The following FBN1 variants were observed in gnomAD, a reference collection of about 807,000 sequenced individuals.
The protein encoded by FBN1 is fibrillin 1.
Under a neutral mutation model 365.1 loss-of-function variants are expected in FBN1, and 29 were observed. That is an observed-to-expected ratio of 0.08 (90% CI 0.06 to 0.11). FBN1 has a LOEUF of 0.11. Ranked by LOEUF, FBN1 falls within the 10% of genes least tolerant of loss-of-function variation. FBN1 has a pLI of 1.00. For synonymous variants in FBN1, 1,210 were observed against 1,270.5 expected, an observed-to-expected ratio of 0.95 and a Z score of 1.01; for missense variants, 2,476 against 3,703.2, an observed-to-expected ratio of 0.67 and a Z score of 8.60.
chr15:48,527,871 T>C (rs8036173), intron 8 of FBN1, among the ~76,000 whole-genome samples: 55,684 of 152,152 alleles, frequency 0.37, 12,574 homozygotes, highest in African/African-American at 0.65. Flanking sequence ...AGAAATTTCA[T>C]TAGAGTCTGT....
intron 50 of FBN1, among the ~76,000 whole-genome samples, chr15:48,440,921 T>A (rs2043108913): frequency 7.0e-6 from 1 of 141,998 alleles, no homozygotes. Flanking sequence ...AAAACCCAAC[T>A]CAACATCAAA....
chr15:48,525,902 A>G (rs185937074), intron 9 of FBN1, among the ~76,000 whole-genome samples: 1 of 152,306 alleles, frequency 6.6e-6, no homozygotes, highest in East Asian at 1.9e-4. Flanking sequence ...AGATACCTGT[A>G]AGGTCTCCTG....
intron 2 of FBN1, chr15:48,642,667 GTGTA>G (rs1238497714): frequency 6.8e-6 from 1 of 147,276 alleles, no homozygotes; most frequent in Non-Finnish European, 1.5e-5. Context: ...TTTCACCCCC[GTGTA>G]TGTGTGTGTG....
chr15:48,586,106 C>A (rs1394263959), intron 6 of FBN1, among the ~76,000 whole-genome samples: 1 of 152,084 alleles, frequency 6.6e-6, no homozygotes, highest in South Asian at 2.1e-4. Context: ...GAGTACATAT[C>A]CCCAGAGACA....
At chr15:48,538,934 T>G (rs1252144814) in intron 6 of FBN1, among the ~76,000 whole-genome samples, 1 of 152,226 alleles carries the variant, frequency 6.6e-6, no homozygotes, top group Admixed American at 6.5e-5. Flanking sequence ...ATGAAACTAC[T>G]GGGATGCTTT....
rs150853340 is a variant in FBN1, at chr15:48,541,956, G to A, written c.539-4148C>T. On this transcript the variant is annotated intron_variant, in intron 6 of 65. Coordinates refer to ENST00000316623, the MANE Select transcript of FBN1 (RefSeq NM_000138.5). ...CCAAGTCTTTCCAAAATTAAAGTGCGACTCTAATTGTTTTTAACTGGCTTA... is the reference window on the plus strand; with the variant it reads ...CCAAGTCTTTCCAAAATTAAAGTGCAACTCTAATTGTTTTTAACTGGCTTA... Among the ~76,000 whole-genome samples the A allele has an allele frequency of 6.6e-5, 10 of 152,214 alleles. No individual in the cohort carries two copies. The East Asian group carries it at 1.5e-3, about 24-fold the overall frequency.
chr15:48,433,109 G>A, intron 54 of FBN1, 121 bp from the exon 55 acceptor site: 1 of 1,022,794 alleles, frequency 9.8e-7, no homozygotes. Flanking sequence ...CATAAACATG[G>A]ATGGATCAAG....
chr15:48,504,075 C>T (rs2043688154), intron 16 of FBN1, 136 bp from the exon 17 acceptor site: 1 of 1,045,410 alleles, frequency 9.6e-7, no homozygotes, highest in East Asian at 2.5e-5. Context: ...TATCGGGGCT[C>T]CATTTGAAGA....
intron 53 of FBN1, among the ~76,000 whole-genome samples, chr15:48,435,749 T>C (rs1465339720): frequency 1.0e-5 from 1 of 99,662 alleles, no homozygotes; most frequent in Non-Finnish European, 2.4e-5. Context: ...TGTGTATATA[T>C]ATGTGTGTAT....
At chr15:48,565,458 ATATC>A (rs2044253036) in intron 6 of FBN1, among the ~76,000 whole-genome samples, 1 of 152,108 alleles carries the variant, frequency 6.6e-6, no homozygotes, top group South Asian at 2.1e-4. Context: ...ATTAATGAAC[ATATC>A]TTAACACATA....
chr15:48,514,669 T>G (rs774801463), intron 12 of FBN1, among the ~76,000 whole-genome samples: 1 of 152,222 alleles, frequency 6.6e-6, no homozygotes, highest in East Asian at 1.9e-4. Flanking sequence ...CTAAGAGAGT[T>G]GGTAAGCTAC....
chr15:48,498,950 T>C (rs1466636009), intron 18 of FBN1, 35 bp downstream of exon 18: 1 of 1,604,446 alleles, frequency 6.2e-7, no homozygotes, highest in Non-Finnish European at 8.5e-7. Flanking sequence ...CCTCTGCACA[T>C]ACTGAAGGTA....
intron 6 of FBN1, among the ~76,000 whole-genome samples, chr15:48,570,701 CATTT>C (rs2044300389): frequency 6.6e-6 from 1 of 152,170 alleles, no homozygotes; most frequent in African/African-American, 2.4e-5. Context: ...GCCCCATACT[CATTT>C]ATTTAAAACA....
At chr15:48,604,954 A>C (rs1352620242) in intron 4 of FBN1, among the ~76,000 whole-genome samples, 1 of 152,186 alleles carries the variant, frequency 6.6e-6, no homozygotes, top group Non-Finnish European at 1.5e-5. Flanking sequence ...AGCTGATTAA[A>C]GCCCCTTCCT....
intron 41 of FBN1, among the ~76,000 whole-genome samples, 158 bp from the exon 42 acceptor site, chr15:48,463,398 CT>C (rs2043296149): frequency 6.6e-6 from 1 of 152,168 alleles, no homozygotes; most frequent in African/African-American, 2.4e-5. Context: ...ACACAACTTT[CT>C]AGCTACCTAT....
intron 2 of FBN1, among the ~76,000 whole-genome samples, chr15:48,615,461 G>A (rs1461885317): frequency 2.0e-5 from 3 of 151,900 alleles, no homozygotes; most frequent in Non-Finnish European, 4.4e-5. Context: ...CAAGGAATTT[G>A]AAAAAGCATG....
intron 24 of FBN1, among the ~76,000 whole-genome samples, chr15:48,491,985 A>C (rs1364219110): frequency 1.3e-5 from 2 of 152,130 alleles, no homozygotes; most frequent in Non-Finnish European, 2.9e-5. Context: ...ATATCCCACT[A>C]TGACTAGCAG....
chr15:48,550,203 T>C (rs1232134968), intron 6 of FBN1, among the ~76,000 whole-genome samples: 9 of 152,206 alleles, frequency 5.9e-5, no homozygotes. Flanking sequence ...CCTCGTGGCC[T>C]TTCAGCTGGC....
intron 2 of FBN1, among the ~76,000 whole-genome samples, chr15:48,622,217 T>C (rs1022872865): frequency 6.6e-6 from 1 of 152,192 alleles, no homozygotes; most frequent in Non-Finnish European, 1.5e-5. Flanking sequence ...ATTTAAAAAG[T>C]GACTAAGACA....
Sources: allele counts gnomAD v4.1 joint callset (sites outside exome capture counted in the v4.1 genomes callset), GRCh38; gene constraint gnomAD v4.1.1; transcripts MANE v1.5; gene names NCBI Gene and HGNC (gene_info 2026-07-23, HGNC 2026-07-21).